SFXN5: variants seen among roughly 807,000 people sequenced by gnomAD.
SFXN5 encodes the protein sideroflexin 5.
In SFXN5, 43 loss-of-function variants were observed where a neutral mutation model predicts 50.2. The observed-to-expected ratio is 0.86, with a 90% CI of 0.67 to 1.11. SFXN5 has a LOEUF of 1.11. Among genes scored for constraint, SFXN5 ranks in the 50% least tolerant of loss-of-function variants. The pLI, the probability that SFXN5 is intolerant of heterozygous loss-of-function variation, is 0.00. For synonymous variants in SFXN5, 203 were observed against 185.8 expected (o/e 1.09, Z -0.75); for missense variants, 463 against 454.1 (o/e 1.02, Z -0.18).
intron 3 of SFXN5, among the ~76,000 whole-genome samples, chr2:73,030,743 T>A (rs1230523419): frequency 6.6e-6 from 1 of 152,236 alleles, no homozygotes; most frequent in East Asian, 1.9e-4. Flanking sequence ...TCACATAGTA[T>A]TTATTCTTTT....
intron 2 of SFXN5, among the ~76,000 whole-genome samples, chr2:73,047,339 A>G (rs1334004579): frequency 1.5e-5 from 2 of 136,322 alleles, no homozygotes; most frequent in African/African-American, 5.3e-5. Flanking sequence ...GTGTATATAT[A>G]TGTACATATA....
chr2:72,957,164 T>C (rs1573948642), intron 13 of SFXN5: 1 of 440,326 alleles, frequency 2.3e-6, no homozygotes, highest in Non-Finnish European at 4.6e-6. Context: ...GAAGGTTCCG[T>C]ATCTCCAGCC....
intron 2 of SFXN5, among the ~76,000 whole-genome samples, chr2:73,042,068 A>G (rs1679716026): frequency 6.6e-6 from 1 of 152,200 alleles, no homozygotes; most frequent in East Asian, 1.9e-4. Flanking sequence ...AGATTAACCT[A>G]CTAAAGTACA....
chr2:73,066,989 G>A (rs555162973), intron 1 of SFXN5, among the ~76,000 whole-genome samples: 22 of 152,262 alleles, frequency 1.4e-4, no homozygotes, highest in African/African-American at 5.3e-4. Context: ...AGGCTGCAGT[G>A]AGCCATTAAT....
intron 6 of SFXN5, among the ~76,000 whole-genome samples, chr2:73,005,375 G>A (rs949052655): frequency 7.9e-5 from 12 of 152,156 alleles, no homozygotes; most frequent in African/African-American, 2.4e-4. Context: ...AGTGATTAAC[G>A]CTCAGGCTCT....
intron 6 of SFXN5, among the ~76,000 whole-genome samples, chr2:73,016,734 C>T (rs1676205301): frequency 6.6e-6 from 1 of 152,006 alleles, no homozygotes; most frequent in African/African-American, 2.4e-5. Context: ...AATGAAACCA[C>T]AAAAAACAGA....
intron 2 of SFXN5, among the ~76,000 whole-genome samples, chr2:73,054,554 G>A (rs1681841008): frequency 6.6e-6 from 1 of 152,066 alleles, no homozygotes. Context: ...AAGGGAGCGG[G>A]GACCCTCCTG....
rs954336011 is a variant in SFXN5, at chr2:72,945,867, G to A, written c.946-768C>T. On this transcript the variant is annotated intron_variant, in intron 13 of 13. Coordinates refer to ENST00000272433, the MANE Select transcript of SFXN5 (RefSeq NM_144579.3). The surrounding 1 kb of genome is among the most constrained non-coding windows in gnomAD (Gnocchi z 5.8). ...CCCCCATAGCCAGGTCAGCTCCCTC[G>A]CCCACTCTCCAGAGGCCACTGGATA... 3.3e-5 allele frequency among the ~76,000 whole-genome samples: 5 copies of A among 150,476 alleles called. No individual in the cohort carries two copies. Among genetic ancestry groups the A allele is most frequent in the South Asian group, 4.3e-4 (2 of 4,700 alleles).
chr2:73,017,266 A>T (rs1269458486), intron 6 of SFXN5, among the ~76,000 whole-genome samples: 3 of 152,206 alleles, frequency 2.0e-5, no homozygotes, highest in African/African-American at 7.2e-5. Context: ...AGGAGGTAGC[A>T]GGGATAGGAA....
intron 11 of SFXN5, among the ~76,000 whole-genome samples, chr2:72,970,899 G>T (rs1187684665): frequency 6.6e-6 from 1 of 152,098 alleles, no homozygotes; most frequent in Non-Finnish European, 1.5e-5. Flanking sequence ...TGTTGGCCAG[G>T]CTGGTCTCGA....
intron 6 of SFXN5, among the ~76,000 whole-genome samples, chr2:73,003,646 C>G (rs575776037): frequency 6.6e-6 from 1 of 152,344 alleles, no homozygotes; most frequent in Non-Finnish European, 1.5e-5. Context: ...ATTCTGTGCC[C>G]AAACCTCACT....
intron 12 of SFXN5, among the ~76,000 whole-genome samples, chr2:72,967,559 G>A (rs759763321): frequency 5.9e-5 from 9 of 152,128 alleles, no homozygotes; most frequent in Non-Finnish European, 7.4e-5. Context: ...TTCATACTGC[G>A]GGAATAAGAA....
At chr2:73,027,104 G>A (rs1448661597) in intron 3 of SFXN5, among the ~76,000 whole-genome samples, 8 of 152,116 alleles carry the variant, frequency 5.3e-5, no homozygotes, top group Non-Finnish European at 1.2e-4. Context: ...GCCTCAGGCA[G>A]GCCCTTCAGG....
intron 12 of SFXN5, among the ~76,000 whole-genome samples, chr2:72,962,756 C>G (rs1267941019): frequency 6.6e-6 from 1 of 152,330 alleles, no homozygotes; most frequent in East Asian, 1.9e-4. Context: ...CTCATGTTAC[C>G]TGCGGGAAGG....
intron 9 of SFXN5, among the ~76,000 whole-genome samples, chr2:72,995,504 T>C (rs1028546604): frequency 1.3e-5 from 2 of 151,980 alleles, no homozygotes; most frequent in Non-Finnish European, 2.9e-5. Flanking sequence ...CTCCTCTGAG[T>C]GGGGCAGGGA....
chr2:73,017,862 C>G (rs1676366078), intron 6 of SFXN5, among the ~76,000 whole-genome samples: 1 of 152,124 alleles, frequency 6.6e-6, no homozygotes, highest in South Asian at 2.1e-4. Flanking sequence ...AGTATCATTT[C>G]CCTCTAAAAG....
At chr2:73,023,380 G>C (rs917141638) in intron 3 of SFXN5, among the ~76,000 whole-genome samples, 166 bp from the exon 4 acceptor site, 4 of 152,190 alleles carry the variant, frequency 2.6e-5, no homozygotes, top group African/African-American at 7.2e-5. Flanking sequence ...CCTATCCTGG[G>C]GGGGGTGACA....
chr2:73,070,689 C>T (rs945702724), intron 1 of SFXN5: 5 of 152,234 alleles, frequency 3.3e-5, no homozygotes, highest in African/African-American at 4.8e-5. Flanking sequence ...CGTTCCACCC[C>T]CGCCTCCGCA....
At chr2:73,022,612 G>T in intron 4 of SFXN5, 36 bp from the exon 5 acceptor site, 4 of 995,484 alleles carry the variant, frequency 4.0e-6, no homozygotes, top group African/African-American at 1.6e-5. Flanking sequence ...GGGTGGGGAC[G>T]GGGGTGTAGG....
Sources: allele counts gnomAD v4.1 joint callset (sites outside exome capture counted in the v4.1 genomes callset), GRCh38; gene constraint gnomAD v4.1.1; non-coding constraint Gnocchi (gnomAD v3.1); transcripts MANE v1.5; gene names NCBI Gene and HGNC (gene_info 2026-07-23, HGNC 2026-07-21).